TCF20: variants seen among roughly 807,000 people sequenced by gnomAD.
The protein encoded by TCF20 is SPRE-binding protein.
Under a neutral mutation model 148.6 loss-of-function variants are expected in TCF20, and 3 were observed. The ratio of observed to expected loss-of-function variants is 0.02; its 90% confidence interval spans 0.01 to 0.05. TCF20 has a LOEUF of 0.05. Ranked by LOEUF, TCF20 falls within the 10% of genes least tolerant of loss-of-function variation. The probability of loss-of-function intolerance (pLI) is 1.00; values close to 1 mark genes in which losing one functional copy is unlikely to be tolerated. For missense variants in TCF20, 2,350 were observed against 2,429.3 expected (o/e 0.97, Z 0.69); for synonymous variants, 1,049 against 909.5 (o/e 1.15, Z -2.76).
chr22:42,302,060 A>T (rs554340537), intron 1 of TCF20, among the ~76,000 whole-genome samples: 1 of 152,314 alleles, frequency 6.6e-6, no homozygotes, highest in South Asian at 2.1e-4. Context: ...CCCACCTCTT[A>T]GCCCAGAGCA....
At chr22:42,199,490 ATGTT>A (rs959756570) in intron 2 of TCF20, among the ~76,000 whole-genome samples, 5 of 152,122 alleles carry the variant, frequency 3.3e-5, no homozygotes, top group African/African-American at 9.7e-5. Context: ...GCCCATAAAA[ATGTT>A]TGACATGTGC....
chr22:42,201,656 T>C (rs1356775471), intron 2 of TCF20, among the ~76,000 whole-genome samples: 1 of 151,976 alleles, frequency 6.6e-6, no homozygotes, highest in Non-Finnish European at 1.5e-5. Flanking sequence ...CAACTTCAGC[T>C]ACTCAGGAGG....
chr22:42,304,192 T>G (rs1927392161), intron 1 of TCF20, among the ~76,000 whole-genome samples: 1 of 152,118 alleles, frequency 6.6e-6, no homozygotes, highest in East Asian at 1.9e-4. Context: ...TAATACCCCA[T>G]TAAGGGAGAA....
At chr22:42,172,966 C>T (rs912190203) in intron 3 of TCF20, among the ~76,000 whole-genome samples, 8 of 152,122 alleles carry the variant, frequency 5.3e-5, no homozygotes, top group Non-Finnish European at 8.8e-5. Flanking sequence ...GGCTGTCCCC[C>T]GGGGAGGAGT....
intron 1 of TCF20, among the ~76,000 whole-genome samples, chr22:42,252,104 T>C (rs531232146): frequency 3.2e-4 from 47 of 145,184 alleles, no homozygotes; most frequent in African/African-American, 1.1e-3. Context: ...ACTCTGTCTC[T>C]ACCTGTATTT....
chr22:42,314,630 C>T (rs758394593), intron 1 of TCF20, among the ~76,000 whole-genome samples: 6 of 152,226 alleles, frequency 3.9e-5, no homozygotes, highest in Non-Finnish European at 7.4e-5. Flanking sequence ...GCAGGGAGCC[C>T]GCCTCTCCCA....
At chr22:42,298,677 G>T (rs1156364540) in intron 1 of TCF20, among the ~76,000 whole-genome samples, 3 of 152,254 alleles carry the variant, frequency 2.0e-5, no homozygotes. Flanking sequence ...TGGGCACATA[G>T]TAGGCCTACC....
At chr22:42,180,222 C>A (rs1234226115) in intron 2 of TCF20, among the ~76,000 whole-genome samples, 1 of 152,148 alleles carries the variant, frequency 6.6e-6, no homozygotes, top group Non-Finnish European at 1.5e-5. Context: ...TTTTGATCTA[C>A]TTACCCCAAA....
intron 2 of TCF20, among the ~76,000 whole-genome samples, chr22:42,203,006 C>A (rs1186244750): frequency 6.6e-6 from 1 of 152,194 alleles, no homozygotes; most frequent in African/African-American, 2.4e-5. Context: ...CTTTTACATA[C>A]TATTTGCTGT....
intron 2 of TCF20, among the ~76,000 whole-genome samples, chr22:42,190,818 T>C (rs1024392625): frequency 3.9e-5 from 6 of 152,270 alleles, no homozygotes; most frequent in Admixed American, 6.5e-5. Context: ...TGTGAAAATA[T>C]GGCAGGTGAT....
chr22:42,182,865 T>C (rs766697008), intron 2 of TCF20, among the ~76,000 whole-genome samples: 96 of 152,294 alleles, frequency 6.3e-4, no homozygotes, highest in Non-Finnish European at 1.1e-3. Context: ...GCTTCCCAAG[T>C]AGCTAGGATT....
intron 2 of TCF20, among the ~76,000 whole-genome samples, chr22:42,191,202 T>A (rs143872441): frequency 7.2e-4 from 110 of 152,326 alleles, no homozygotes; most frequent in African/African-American, 2.6e-3. Context: ...TAATATGAAG[T>A]CTCATAACTC....
chr22:42,328,233 C>T (rs969999549), intron 1 of TCF20, among the ~76,000 whole-genome samples: 4 of 152,022 alleles, frequency 2.6e-5, no homozygotes, highest in East Asian at 1.9e-4. Flanking sequence ...CCCACGTGTC[C>T]GCTCCAGCCA....
intron 1 of TCF20, among the ~76,000 whole-genome samples, chr22:42,306,243 G>A (rs1017443046): frequency 6.6e-6 from 1 of 152,258 alleles, no homozygotes; most frequent in Admixed American, 6.5e-5. Context: ...ATTAATGAAA[G>A]GCAGAAGCCT....
intron 1 of TCF20, among the ~76,000 whole-genome samples, chr22:42,251,606 G>C (rs1005893069): frequency 1.5e-5 from 2 of 137,234 alleles, no homozygotes; most frequent in Non-Finnish European, 3.0e-5. Context: ...ATGTTCAAGT[G>C]ATTCTCGTGC....
At chr22:42,263,917 A>G (rs144845925) in intron 1 of TCF20, among the ~76,000 whole-genome samples, 15 of 152,312 alleles carry the variant, frequency 9.8e-5, no homozygotes, top group African/African-American at 1.7e-4. Context: ...ATAAAGCCAC[A>G]TAACTTTGGG....
At chr22:42,280,587 A>G (rs1926880428) in intron 1 of TCF20, among the ~76,000 whole-genome samples, 2 of 152,318 alleles carry the variant, frequency 1.3e-5, no homozygotes, top group South Asian at 2.1e-4. Flanking sequence ...AAGCTAATAC[A>G]TAGTTAGGCA....
rs370686242 is a variant in TCF20 at position 42,323,921 on chromosome 22, A to T, written c.-37+19558T>A. Among the ~76,000 whole-genome samples the T allele has an allele frequency of 7.8e-3, 134 of 17,128 alleles. 1 individual carries two copies. Among genetic ancestry groups the T allele is most frequent in the East Asian group, 0.042 (19 of 448 alleles). The allele number at this position is 17,128 out of a possible 152,430, so 11.2% of individuals were successfully genotyped here. ...GTGGTGGAGGTGGTGGTGGTGATGG[A>T]GGTTATGGTGGTGGTGGTGGTGATG... is the stretch of plus-strand genomic sequence containing the variant. On this transcript the variant is annotated intron_variant, in intron 1 of 1. Coordinates refer to the TCF20 transcript ENST00000515426.
intron 3 of TCF20, among the ~76,000 whole-genome samples, chr22:42,175,250 T>TG (rs1936382040): frequency 6.6e-6 from 1 of 152,200 alleles, no homozygotes; most frequent in African/African-American, 2.4e-5. Flanking sequence ...AGGCTGAACT[T>TG]GAACTCCTGG....
Sources: gnomAD v4.1 joint callset for allele counts (sites outside exome capture counted in the v4.1 genomes callset) on GRCh38, gnomAD v4.1.1 for gene constraint, MANE v1.5 for transcripts, NCBI Gene and HGNC (gene_info 2026-07-23, HGNC 2026-07-21) for gene names.